The following AHCY variants were observed in gnomAD, a reference collection of about 807,000 sequenced individuals.
AHCY encodes S-adenosyl-L-homocysteine hydrolase.
A neutral mutation model predicts 45.4 loss-of-function variants in AHCY; 24 were observed. The ratio of observed to expected loss-of-function variants is 0.53; its 90% CI spans 0.38 to 0.74. The LOEUF (loss-of-function observed/expected upper bound fraction) is 0.74. AHCY is among the 30% of genes least tolerant of loss of function. The pLI, the probability that AHCY is intolerant of heterozygous loss-of-function variation, is 0.00. For missense variants in AHCY, 449 were observed against 594.1 expected, an observed-to-expected ratio of 0.76 and a Z score of 2.54; for synonymous variants, 245 against 235.1, an observed-to-expected ratio of 1.04 and a Z score of -0.39.
intron 8 of AHCY, among the ~76,000 whole-genome samples, chr20:34,287,362 G>A (rs1168465238): frequency 1.3e-5 from 2 of 150,712 alleles, no homozygotes; most frequent in Non-Finnish European, 2.9e-5. Context: ...TGGCCAGGAA[G>A]GGGGTCTCTT....
intron 3 of AHCY, chr20:34,293,825 A>C: frequency 5.4e-6 from 3 of 556,554 alleles, no homozygotes; most frequent in Non-Finnish European, 9.7e-6. Context: ...CCGCTTCATC[A>C]TGTAGTTCCC....
intron 8 of AHCY, 106 bp from the exon 9 acceptor site, chr20:34,285,740 CG>C (rs2036159904): frequency 8.1e-7 from 1 of 1,234,254 alleles, no homozygotes; most frequent in Non-Finnish European, 1.2e-6. Flanking sequence ...ATGAGGAGTC[CG>C]AACTGCTCCA....
upstream of AHCY, among the ~76,000 whole-genome samples, chr20:34,306,018 G>A (rs1321797825): frequency 6.9e-6 from 1 of 144,792 alleles, no homozygotes; most frequent in Non-Finnish European, 1.5e-5. Flanking sequence ...GGAGGCGGAT[G>A]TTGCATTGAG....
At chr20:34,308,690 G>A (rs1178826632) in intron 1 of AHCY, among the ~76,000 whole-genome samples, 2 of 148,078 alleles carry the variant, frequency 1.4e-5, no homozygotes, top group African/African-American at 5.0e-5. Flanking sequence ...GAGTTGCTCT[G>A]TCACCCAGGC....
At chr20:34,298,486 T>G (rs1047169201) in intron 1 of AHCY, among the ~76,000 whole-genome samples, 32 of 151,960 alleles carry the variant, frequency 2.1e-4, no homozygotes, top group African/African-American at 6.8e-4. Context: ...GGCTCCTTGG[T>G]CTAGCGGTGA....
chr20:34,278,021 G>C (rs1168048414), downstream of AHCY, among the ~76,000 whole-genome samples: 3 of 152,152 alleles, frequency 2.0e-5, no homozygotes, highest in Non-Finnish European at 4.4e-5. Context: ...CAGGACCCTT[G>C]GCCAATTCCT....
At chr20:34,273,022 G>A in the AHCY span, among the ~76,000 whole-genome samples, 1 of 152,208 alleles carries the variant, frequency 6.6e-6, no homozygotes, top group Admixed American at 6.5e-5. Flanking sequence ...AGGAACCCCA[G>A]CATGTCTGGC....
chr20:34,247,355 C>G, the AHCY span, among the ~76,000 whole-genome samples: 1 of 145,546 alleles, frequency 6.9e-6, no homozygotes, highest in Non-Finnish European at 1.5e-5. Flanking sequence ...GGCTGGAGTG[C>G]AATGGTGTGA....
At chr20:34,279,421 GA>G (rs753050895), downstream of AHCY, among the ~76,000 whole-genome samples, 98 of 129,522 alleles carry the variant, frequency 7.6e-4, no homozygotes, top group African/African-American at 1.1e-3. Flanking sequence ...AGACTGTCTA[GA>G]AAAAAAAAAA....
the AHCY span, among the ~76,000 whole-genome samples, chr20:34,255,538 T>G: frequency 3.9e-5 from 6 of 152,160 alleles, no homozygotes; most frequent in African/African-American, 1.4e-4. Flanking sequence ...ATATATAGAA[T>G]AAGAATAGTT....
At chr20:34,285,267 G>A (rs1365984237) in intron 9 of AHCY, among the ~76,000 whole-genome samples, 173 bp downstream of exon 9, 1 of 152,152 alleles carries the variant, frequency 6.6e-6, no homozygotes, top group African/African-American at 2.4e-5. Flanking sequence ...CCTACTGTGG[G>A]TCTCAGTTTC....
At chr20:34,303,219 C>T (rs968279640) in intron 1 of AHCY, 24 bp downstream of exon 1, 3 of 1,551,282 alleles carry the variant, frequency 1.9e-6, no homozygotes, top group Non-Finnish European at 2.6e-6. Flanking sequence ...GCGGCCGCAA[C>T]CGGCTGCAGG....
chr20:34,303,357 T>C (rs1171526009), upstream of AHCY: 2 of 1,535,040 alleles, frequency 1.3e-6, no homozygotes, highest in Non-Finnish European at 1.8e-6. Flanking sequence ...CGAGCAGGGA[T>C]ATGCGCGTGG....
the AHCY span, chr20:34,269,035 A>G: frequency 6.2e-7 from 1 of 1,607,426 alleles, no homozygotes; most frequent in Non-Finnish European, 8.5e-7. Flanking sequence ...GGACCCCCCT[A>G]TCTGCGCCCT....
At chr20:34,282,300 G>C (rs1045645037) in intron 9 of AHCY, among the ~76,000 whole-genome samples, 6 of 152,154 alleles carry the variant, frequency 3.9e-5, no homozygotes, top group Admixed American at 3.9e-4. Flanking sequence ...ATGAGGAATT[G>C]AGACCTCCTG....
At chr20:34,245,258 T>G in the AHCY span, among the ~76,000 whole-genome samples, 2 of 138,928 alleles carry the variant, frequency 1.4e-5, no homozygotes, top group Non-Finnish European at 3.1e-5. Context: ...CGCTTGAACC[T>G]GGGAGGCGGA....
chr20:34,303,609 G>T (rs113754848), upstream of AHCY, among the ~76,000 whole-genome samples: 2 of 152,330 alleles, frequency 1.3e-5, no homozygotes, highest in African/African-American at 4.8e-5. Context: ...AAAACCCAGC[G>T]GAACTGAAAT....
upstream of AHCY, chr20:34,303,480 A>C: frequency 6.8e-6 from 5 of 735,882 alleles, no homozygotes; most frequent in Non-Finnish European, 1.1e-5. Flanking sequence ...AAGAAGCCTC[A>C]GAATTTCACA....
At chr20:34,241,052 G>A in the AHCY span, among the ~76,000 whole-genome samples, 16 of 152,146 alleles carry the variant, frequency 1.1e-4, no homozygotes, top group Non-Finnish European at 1.9e-4. Flanking sequence ...CAGGAAAGAC[G>A]CTCTGCTTTG....
Sources: gnomAD v4.1 joint callset for allele counts (sites outside exome capture counted in the v4.1 genomes callset) on GRCh38, gnomAD v4.1.1 for gene constraint, MANE v1.5 for transcripts, NCBI Gene and HGNC (gene_info 2026-07-23, HGNC 2026-07-21) for gene names.